ARHGEF7: variants seen among roughly 807,000 people sequenced by gnomAD.
The protein encoded by ARHGEF7 is Rho guanine nucleotide exchange factor 7, also known as PAK-interacting exchange factor beta.
In ARHGEF7, 33 loss-of-function variants were observed where a neutral mutation model predicts 109.8. The ratio of observed to expected loss-of-function variants is 0.30; its 90% CI spans 0.23 to 0.40. The LOEUF is 0.40. Ranked by LOEUF, ARHGEF7 falls within the 10% of genes least tolerant of loss-of-function variation. The probability of loss-of-function intolerance (pLI) is 1.00; values close to 1 mark genes in which losing one functional copy is unlikely to be tolerated. For synonymous variants in ARHGEF7, 458 were observed against 424.6 expected, an observed-to-expected ratio of 1.08 and a Z score of -0.97; for missense variants, 938 against 1,098.5, an observed-to-expected ratio of 0.85 and a Z score of 2.07.
chr13:111,280,728 T>G, intron 15 of ARHGEF7, 51 bp downstream of exon 15: 2 of 1,438,244 alleles, frequency 1.4e-6, no homozygotes, highest in Non-Finnish European at 1.8e-6. Context: ...TGGCATCCCG[T>G]GGCTGAGCTG....
At chr13:111,141,704 G>GT (rs1566618488) in intron 1 of ARHGEF7, among the ~76,000 whole-genome samples, 1 of 151,684 alleles carries the variant, frequency 6.6e-6, no homozygotes, top group East Asian at 1.9e-4. Flanking sequence ...ATGTACCACC[G>GT]TTTTTTCTCC....
At chr13:111,267,032 A>C (rs929001457) in intron 8 of ARHGEF7, 1 of 403,084 alleles carries the variant, frequency 2.5e-6, no homozygotes, top group Non-Finnish European at 5.1e-6. Flanking sequence ...TTTTGTTCTC[A>C]TGAGTTTATG....
chr13:111,221,721 A>C (rs61967970), intron 5 of ARHGEF7, among the ~76,000 whole-genome samples: 1 of 133,450 alleles, frequency 7.5e-6, no homozygotes, highest in Non-Finnish European at 1.7e-5. Context: ...ATCTATCTAT[A>C]TATACAGCTA....
At chr13:111,165,485 A>G (rs976446268) in intron 2 of ARHGEF7, among the ~76,000 whole-genome samples, 1 of 152,204 alleles carries the variant, frequency 6.6e-6, no homozygotes, top group African/African-American at 2.4e-5. Context: ...CCACCGTGAC[A>G]ATGCAGTTGA....
At chr13:111,128,524 C>CA (rs1339331787) in intron 1 of ARHGEF7, among the ~76,000 whole-genome samples, 2 of 152,058 alleles carry the variant, frequency 1.3e-5, no homozygotes, top group East Asian at 3.9e-4. Flanking sequence ...AACAAACAAA[C>CA]AAAAAACCAG....
At chr13:111,217,272 T>C (rs964765395) in intron 4 of ARHGEF7, among the ~76,000 whole-genome samples, 12 of 152,252 alleles carry the variant, frequency 7.9e-5, no homozygotes, top group African/African-American at 2.9e-4. Context: ...AAAAATCCAC[T>C]AATGGAGAGT....
At chr13:111,234,842 C>T (rs1258387573) in intron 6 of ARHGEF7, among the ~76,000 whole-genome samples, 1 of 151,672 alleles carries the variant, frequency 6.6e-6, no homozygotes, top group Non-Finnish European at 1.5e-5. Flanking sequence ...CCCACATTAC[C>T]CGAGACACCT....
chr13:111,180,630 G>A (rs1238778702), intron 2 of ARHGEF7, among the ~76,000 whole-genome samples: 1 of 152,200 alleles, frequency 6.6e-6, no homozygotes, highest in African/African-American at 2.4e-5. Context: ...GGTTAAGGAA[G>A]ATGCCCAGTG....
At chr13:111,174,336 G>A (rs1050181702) in intron 2 of ARHGEF7, among the ~76,000 whole-genome samples, 1 of 152,196 alleles carries the variant, frequency 6.6e-6, no homozygotes, top group Non-Finnish European at 1.5e-5. Context: ...GAATCCCTCT[G>A]TTGGCACCTG....
At position 111,304,218 on chromosome 13, in the gene ARHGEF7, A is replaced by C. The variant is rs949139828; in HGVS notation, c.*1105A>C. 1 of 152,258 alleles carries C rather than the reference A, an allele frequency of 6.6e-6. No homozygotes were observed. Among genetic ancestry groups the C allele is most frequent in the Non-Finnish European group, 1.5e-5 (1 of 68,064 alleles). 9.4% of individuals were successfully genotyped at this position (152,258 alleles called of 1,614,324 possible). ...CTAAGTAACATAGGCATAAGCAGGGAACGTTTCCCCCACTGTGTTCCAGTG... is the reference window on the plus strand; with the variant it reads ...CTAAGTAACATAGGCATAAGCAGGGCACGTTTCCCCCACTGTGTTCCAGTG... On this transcript the variant is annotated 3_prime_UTR_variant, in exon 22 of 22. Coordinates refer to ENST00000646102, the MANE Select transcript of ARHGEF7 (RefSeq NM_001354046.2).
At chr13:111,207,408 T>C (rs2082020843) in intron 3 of ARHGEF7, among the ~76,000 whole-genome samples, 1 of 152,250 alleles carries the variant, frequency 6.6e-6, no homozygotes, top group Non-Finnish European at 1.5e-5. Context: ...GCTCAAGCTA[T>C]CTGCCTGCCT....
chr13:111,202,162 C>T lies in ARHGEF7; in HGVS notation c.253-3127C>T, dbSNP rs531487866. ...ATAGATCCTAAAGCGTATTATGGTG[C>T]GAAGTGTGTCTGTGCAGCCACCCTT... On this transcript the variant is annotated intron_variant, in intron 2 of 21. Transcript: ENST00000646102. Among the ~76,000 whole-genome samples, 6 of 152,294 alleles carry T rather than the reference C, an allele frequency of 3.9e-5. No homozygotes were observed. The South Asian group carries it at 8.3e-4, about 21-fold the overall frequency.
chr13:111,279,838 C>T (rs2092690047), intron 13 of ARHGEF7, among the ~76,000 whole-genome samples: 1 of 152,208 alleles, frequency 6.6e-6, no homozygotes, highest in African/African-American at 2.4e-5. Context: ...CTCAATTTCC[C>T]ACCCTTATTT....
intron 1 of ARHGEF7, among the ~76,000 whole-genome samples, chr13:111,124,870 T>C (rs571395717): frequency 6.6e-6 from 1 of 152,308 alleles, no homozygotes; most frequent in African/African-American, 2.4e-5. Context: ...AGTGATTCTC[T>C]TGCCCCCGCC....
At chr13:111,181,712 C>T (rs988477075) in intron 2 of ARHGEF7, among the ~76,000 whole-genome samples, 2 of 152,128 alleles carry the variant, frequency 1.3e-5, no homozygotes, top group African/African-American at 4.8e-5. Context: ...GTGGAAGGAA[C>T]CCATGTAACC....
chr13:111,260,577 AT>A, intron 8 of ARHGEF7, among the ~76,000 whole-genome samples: 1 of 152,398 alleles, frequency 6.6e-6, no homozygotes, highest in South Asian at 2.1e-4. Context: ...GAGGGATTTT[AT>A]TAACACCAGC....
intron 2 of ARHGEF7, among the ~76,000 whole-genome samples, chr13:111,167,565 C>A (rs900274493): frequency 3.3e-5 from 5 of 152,210 alleles, no homozygotes; most frequent in Non-Finnish European, 7.3e-5. Flanking sequence ...CTTTGCCCTG[C>A]ATGTGTGACA....
chr13:111,185,400 C>T (rs557055658), intron 2 of ARHGEF7, among the ~76,000 whole-genome samples: 2 of 152,282 alleles, frequency 1.3e-5, no homozygotes, highest in South Asian at 4.1e-4. Flanking sequence ...AGCACTACAG[C>T]GGGTTCTTTC....
chr13:111,171,759 C>T (rs1277024379), intron 2 of ARHGEF7, among the ~76,000 whole-genome samples: 3 of 152,172 alleles, frequency 2.0e-5, no homozygotes, highest in Non-Finnish European at 2.9e-5. Context: ...GTGTCTCCTC[C>T]CCAAATTCCC....
Sources: allele counts gnomAD v4.1 joint callset (sites outside exome capture counted in the v4.1 genomes callset), GRCh38; gene constraint gnomAD v4.1.1; transcripts MANE v1.5; gene names NCBI Gene and HGNC (gene_info 2026-07-23, HGNC 2026-07-21).